NRBP1: variants seen among roughly 807,000 people sequenced by gnomAD.
The protein encoded by NRBP1 is nuclear receptor-binding protein.
In NRBP1, 10 loss-of-function variants were observed where a neutral mutation model predicts 76.0. That is an observed-to-expected ratio of 0.13 (90% CI 0.08 to 0.22). The LOEUF is 0.22. NRBP1 is among the 10% of genes least tolerant of loss of function. The pLI is 1.00. For synonymous variants in NRBP1, 235 were observed against 240.2 expected, an observed-to-expected ratio of 0.98 and a Z score of 0.20; for missense variants, 344 against 646.0, an observed-to-expected ratio of 0.53 and a Z score of 5.07.
chr2:27,434,607 GT>G, intron 5 of NRBP1, 47 bp downstream of exon 5: 1 of 1,595,534 alleles, frequency 6.3e-7, no homozygotes, highest in Non-Finnish European at 8.6e-7. Flanking sequence ...TTTGGGGGTG[GT>G]TTTAAAAAGG....
intron 1 of NRBP1, among the ~76,000 whole-genome samples, chr2:27,430,194 G>GA (rs936352739): frequency 1.3e-5 from 2 of 152,098 alleles, no homozygotes; most frequent in African/African-American, 4.8e-5. Flanking sequence ...TCAGGATCTA[G>GA]AAAATAACAT....
chr2:27,440,020 TTTTTTTTTTTTG>T (rs1664470023), intron 11 of NRBP1, 122 bp downstream of exon 11: 2 of 662,474 alleles, frequency 3.0e-6, no homozygotes, highest in South Asian at 2.7e-5. Flanking sequence ...TTTTTTTTTT[TTTTTTTTTTTTG>T]AGACAGAGTC....
At chr2:27,431,618 A>G (rs1199313377) in intron 1 of NRBP1, 1 of 152,212 alleles carries the variant, frequency 6.6e-6, no homozygotes, top group Non-Finnish European at 1.5e-5. Flanking sequence ...TGAAGTCACT[A>G]ACAACTGCCA....
Position 27,433,455 on chromosome 2 carries a change from G to C in NRBP1, c.182G>C (p.Cys61Ser). 4 of 1,614,248 alleles carry C rather than the reference G, an allele frequency of 2.5e-6. No homozygotes were observed. Among genetic ancestry groups the C allele is most frequent in the Non-Finnish European group, 3.4e-6 (4 of 1,180,038 alleles). Reference sequence around the variant, plus strand: ...TCTGAGATTTTGGAAGAGTCGCCCTGTGGGCGCTGGCAGAAGAGGCGAGAA... The same window carrying C: ...TCTGAGATTTTGGAAGAGTCGCCCTCTGGGCGCTGGCAGAAGAGGCGAGAA... ...DESEILEESP[C>S]GRWQKRREEV... The change falls in exon 2 of 18, where the codon TGT (cysteine) becomes TCT (serine). Residue 61 changes from cysteine to serine, a missense_variant. By Grantham distance (112) the Cys-to-Ser change is moderately radical (BLOSUM62 -1). Coordinates refer to ENST00000379852, the MANE Select transcript of NRBP1 (RefSeq NM_013392.4).
At chr2:27,428,902 C>T (rs1345148747) in intron 1 of NRBP1, among the ~76,000 whole-genome samples, 171 bp downstream of exon 1, 1 of 152,054 alleles carries the variant, frequency 6.6e-6, no homozygotes, top group Non-Finnish European at 1.5e-5. Context: ...CGAGGGGCCG[C>T]TTCGGCCCCG....
In NRBP1 at chr2:27,435,822, A is replaced by G. The variant is rs1664285825; in HGVS notation, c.661+595A>G. 4 of 717,058 alleles carry G rather than the reference A, an allele frequency of 5.6e-6. No homozygotes were observed. The Admixed American group carries it at 8.0e-5, about 14-fold the overall frequency. 44.4% of individuals were successfully genotyped at this position (717,058 alleles called of 1,614,324 possible). On this transcript the variant is annotated intron_variant, in intron 7 of 17. Coordinates refer to ENST00000379852, the MANE Select transcript of NRBP1 (RefSeq NM_013392.4). ...CCCTTGGCGGCTGCCCAGTGCATGC[A>G]GTCGTGGGAGCAAACCCTCTTCCCC...
At chr2:27,438,177 CAAA>C (rs374457826) in intron 10 of NRBP1, among the ~76,000 whole-genome samples, 1 of 133,184 alleles carries the variant, frequency 7.5e-6, no homozygotes, top group African/African-American at 2.7e-5. Context: ...GAGACTGTCT[CAAA>C]AAAAAAAAAA....
intron 1 of NRBP1, among the ~76,000 whole-genome samples, chr2:27,429,624 G>T (rs1664024189): frequency 6.6e-6 from 1 of 152,148 alleles, no homozygotes; most frequent in African/African-American, 2.4e-5. Flanking sequence ...TGTCGCAGAG[G>T]TTTCTTCATC....
intron 11 of NRBP1, 93 bp downstream of exon 11, chr2:27,439,991 GATTCTTTTTTTTT>G: frequency 1.1e-5 from 4 of 356,802 alleles, no homozygotes; most frequent in East Asian, 1.4e-4. Context: ...TTTCCAAAGG[GATTCTTTTTTTTT>G]TTTTTTTTTT....
Position 27,441,820 on chromosome 2 carries a change from T to C in NRBP1, c.*8T>C, listed in dbSNP as rs1216903220. ...GTCACCGTCTCCTCTTAGAGCTCAC[T>C]CGGGCCAGGCCCTGATCTGCGCTGT... On this transcript the variant is annotated 3_prime_UTR_variant, in exon 18 of 18. Transcript: ENST00000379852. 6.3e-7 allele frequency: 1 copy of C among 1,583,920 alleles called. No individual in the cohort carries two copies. Among genetic ancestry groups the C allele is most frequent in the East Asian group, 2.2e-5 (1 of 44,744 alleles).
At position 27,441,110 on chromosome 2, in the gene NRBP1, C is replaced by G. The variant is rs1369509037; in HGVS notation, c.1330-17C>G. The G allele has an allele frequency of 1.2e-6, 2 of 1,612,714 alleles. No individual in the cohort carries two copies. The highest frequency in any genetic ancestry group is 2.7e-5 in the African/African-American group (2 of 74,874). On this transcript the variant is annotated splice_polypyrimidine_tract_variant and intron_variant, in intron 14 of 17. Coordinates refer to ENST00000379852, the MANE Select transcript of NRBP1 (RefSeq NM_013392.4). ...TTATGGACAGGTCTCTAGAGTGACCCTCTCTTCCCTCCCTAGGTGGTGCTG... is the reference window on the plus strand; with the variant it reads ...TTATGGACAGGTCTCTAGAGTGACCGTCTCTTCCCTCCCTAGGTGGTGCTG...
chr2:27,433,218 T>G, intron 1 of NRBP1, 36 bp from the exon 2 acceptor site: 1 of 1,444,176 alleles, frequency 6.9e-7, no homozygotes, highest in Non-Finnish European at 9.7e-7. Context: ...TGACTTTCTC[T>G]GCCTTTTCCC....
chr2:27,439,484 CAAAAAAAAAAA>C (rs70953858), intron 10 of NRBP1, among the ~76,000 whole-genome samples: 4 of 66,686 alleles, frequency 6.0e-5, no homozygotes, highest in African/African-American at 1.8e-4. Flanking sequence ...GACTCCGTCT[CAAAAAAAAAAA>C]AAAAAAAAAT....
chr2:27,441,548 C>G lies in NRBP1; in HGVS notation c.1448-19C>G, dbSNP rs371036113. Reference sequence around the variant, plus strand: ...CCTCAGTCCCGTACTGTACTCACCCCCTCCTGTTTCTTTGTCAGATGAGAA... The same window carrying G: ...CCTCAGTCCCGTACTGTACTCACCCGCTCCTGTTTCTTTGTCAGATGAGAA... On this transcript the variant is annotated intron_variant, in intron 16 of 17. Transcript: ENST00000379852. 1.2e-5 allele frequency: 20 copies of G among 1,613,870 alleles called. No individual in the cohort carries two copies. Among genetic ancestry groups the G allele is most frequent in the East Asian group, 6.7e-5 (3 of 44,888 alleles).
Position 27,433,658 on chromosome 2 carries a change from T to C in NRBP1, c.211-15T>C. 6.2e-7 allele frequency: 1 copy of C among 1,614,112 alleles called. No homozygotes were observed. Among genetic ancestry groups the C allele is most frequent in the Non-Finnish European group, 8.5e-7 (1 of 1,179,976 alleles). Reference sequence around the variant, plus strand: ...GAGATAAGTTTAATTCTCTTTCATATGAATTTCTTCTCAGGTGAATCAACG... The same window carrying C: ...GAGATAAGTTTAATTCTCTTTCATACGAATTTCTTCTCAGGTGAATCAACG... On this transcript the variant is annotated splice_polypyrimidine_tract_variant and intron_variant, in intron 2 of 17. Transcript: ENST00000379852.
At chr2:27,432,058 A>C (rs1006503579) in intron 1 of NRBP1, 42 of 152,384 alleles carry the variant, frequency 2.8e-4, no homozygotes, top group African/African-American at 9.4e-4. Flanking sequence ...CATGTTGGTC[A>C]GGCTGGTCTC....
In NRBP1 at chr2:27,428,644, A is replaced by C. The variant is rs533499105; in HGVS notation, c.-108A>C. On this transcript the variant is annotated 5_prime_UTR_variant, in exon 1 of 18. Transcript: ENST00000379852. ...GGCCCGCAGTTCGGTTGCGCTGCGG[A>C]GCGCAGCTGTGAGGGAGTCGCTGTG... is the stretch of plus-strand genomic sequence containing the variant. The C allele has an allele frequency of 2.8e-5, 11 of 397,724 alleles. No individual in the cohort carries two copies. Among genetic ancestry groups the C allele is most frequent in the Non-Finnish European group, 4.4e-5 (10 of 225,608 alleles). 24.6% of individuals were successfully genotyped at this position (397,724 alleles called of 1,614,324 possible).
chr2:27,441,335 GTC>G lies in NRBP1; in HGVS notation c.1447+10_1447+11del. The G allele has an allele frequency of 6.2e-7, 1 of 1,613,700 alleles. No homozygotes were observed. Among genetic ancestry groups the G allele is most frequent in the Non-Finnish European group, 8.5e-7 (1 of 1,179,672 alleles). ...TGAGCTGTGACCTGATGCCAAGTGA[GTC>G]TCTCCTTTCCCTCAGAGGATGGAGA... On this transcript the variant is annotated splice_donor_region_variant and intron_variant, in intron 16 of 17. Coordinates refer to ENST00000379852, the MANE Select transcript of NRBP1 (RefSeq NM_013392.4).
At chr2:27,430,450 T>C (rs917798486) in intron 1 of NRBP1, among the ~76,000 whole-genome samples, 2 of 146,430 alleles carry the variant, frequency 1.4e-5, no homozygotes, top group African/African-American at 5.1e-5. Flanking sequence ...CAGTTTCTTT[T>C]TCTTTTCTTT....
Sources: gnomAD v4.1 joint callset for allele counts (sites outside exome capture counted in the v4.1 genomes callset) on GRCh38, gnomAD v4.1.1 for gene constraint, MANE v1.5 for transcripts, NCBI Gene and HGNC (gene_info 2026-07-23, HGNC 2026-07-21) for gene names.